Variants in DLG2 observed in about 807,000 individuals in gnomAD.
The protein encoded by DLG2 is discs large MAGUK scaffold protein 2.
In DLG2, 45 loss-of-function variants were observed where a neutral mutation model predicts 132.5. The ratio of observed to expected loss-of-function variants is 0.34; its 90% CI spans 0.27 to 0.44. DLG2 has a LOEUF of 0.44. DLG2 is among the 20% of genes least tolerant of loss of function. DLG2 has a pLI of 1.00. For synonymous variants in DLG2, 424 were observed against 419.6 expected (o/e 1.01, Z -0.13); for missense variants, 1,045 against 1,196.9 (o/e 0.87, Z 1.87).
chr11:84,010,797 C>G (rs1035867920), intron 11 of DLG2, among the ~76,000 whole-genome samples: 2 of 152,106 alleles, frequency 1.3e-5, no homozygotes, highest in Admixed American at 6.6e-5. Context: ...GCATTATTAT[C>G]ATTAATTATG....
intron 2 of DLG2, among the ~76,000 whole-genome samples, chr11:85,623,806 C>A (rs938068281): frequency 3.3e-5 from 5 of 152,250 alleles, no homozygotes; most frequent in African/African-American, 9.6e-5. Context: ...AAATGACGTA[C>A]CTATCATTAA....
intron 6 of DLG2, among the ~76,000 whole-genome samples, chr11:84,944,903 T>C (rs759774653): frequency 6.6e-6 from 1 of 152,188 alleles, no homozygotes; most frequent in Non-Finnish European, 1.5e-5. Flanking sequence ...GTGCCCGATC[T>C]TGTTAAGTTT....
chr11:85,377,803 A>ATATATATATATATATATATATATG (rs35141583), intron 3 of DLG2, among the ~76,000 whole-genome samples: 155 of 131,244 alleles, frequency 1.2e-3, no homozygotes, highest in Non-Finnish European at 1.7e-3. Flanking sequence ...ATATATATAT[A>ATATATATATATATATATATATATG]TGTGTGTGTG....
intron 14 of DLG2, among the ~76,000 whole-genome samples, chr11:83,961,350 T>C (rs2088710525): frequency 1.3e-5 from 2 of 152,090 alleles, no homozygotes; most frequent in South Asian, 4.1e-4. Flanking sequence ...TAGCCACATA[T>C]TTCTATGATG....
At chr11:83,599,138 C>T (rs1466662759) in intron 19 of DLG2, among the ~76,000 whole-genome samples, 2 of 152,238 alleles carry the variant, frequency 1.3e-5, no homozygotes, top group African/African-American at 4.8e-5. Flanking sequence ...CATCTGAGTA[C>T]TTGACATGCT....
At chr11:84,918,631 T>G (rs2092609332) in intron 6 of DLG2, among the ~76,000 whole-genome samples, 1 of 152,154 alleles carries the variant, frequency 6.6e-6, no homozygotes, top group South Asian at 2.1e-4. Flanking sequence ...TAAATTGTTT[T>G]AGTGTGAATT....
intron 10 of DLG2, among the ~76,000 whole-genome samples, chr11:84,080,044 T>C (rs2096881764): frequency 6.6e-6 from 1 of 152,198 alleles, no homozygotes; most frequent in Admixed American, 6.5e-5. Context: ...TTCATAGAAC[T>C]CCTTTTAACT....
chr11:85,304,109 G>A (rs1223727852), intron 3 of DLG2, among the ~76,000 whole-genome samples: 1 of 152,112 alleles, frequency 6.6e-6, no homozygotes, highest in African/African-American at 2.4e-5. Flanking sequence ...GGAAGAGGAA[G>A]CCTTGTTGTT....
intron 6 of DLG2, among the ~76,000 whole-genome samples, chr11:84,950,961 A>C (rs540168844): frequency 6.6e-6 from 1 of 152,312 alleles, no homozygotes; most frequent in South Asian, 2.1e-4. Context: ...ATCTATTTTT[A>C]CTTTGGTTTG....
At chr11:84,064,253 T>G (rs1317028948) in intron 10 of DLG2, among the ~76,000 whole-genome samples, 1 of 152,198 alleles carries the variant, frequency 6.6e-6, no homozygotes, top group Admixed American at 6.5e-5. Context: ...TCCCATGCAT[T>G]ATGCATAAAA....
At chr11:85,233,009 G>C (rs1565192996) in intron 4 of DLG2, among the ~76,000 whole-genome samples, 1 of 151,860 alleles carries the variant, frequency 6.6e-6, no homozygotes, top group Non-Finnish European at 1.5e-5. Context: ...TTCTTTCCAT[G>C]CGTTATGTTT....
At chr11:84,796,580 C>T (rs1404718901) in intron 6 of DLG2, among the ~76,000 whole-genome samples, 1 of 152,130 alleles carries the variant, frequency 6.6e-6, no homozygotes, top group Non-Finnish European at 1.5e-5. Flanking sequence ...TAAGACAGAT[C>T]TGGTGTTAAT....
At chr11:83,643,842 G>T (rs2067309594) in intron 18 of DLG2, 1 of 146,466 alleles carries the variant, frequency 6.8e-6, no homozygotes, top group African/African-American at 2.5e-5. Context: ...GTTTCATTCA[G>T]TTTTTTTTTT....
At chr11:85,546,475 T>G (rs2076330427) in intron 3 of DLG2, among the ~76,000 whole-genome samples, 1 of 152,204 alleles carries the variant, frequency 6.6e-6, no homozygotes, top group Admixed American at 6.5e-5. Flanking sequence ...TCTGTTGATG[T>G]GGGGTGGAGA....
At chr11:84,616,473 T>C (rs1565464093) in intron 6 of DLG2, among the ~76,000 whole-genome samples, 1 of 152,138 alleles carries the variant, frequency 6.6e-6, no homozygotes, top group Non-Finnish European at 1.5e-5. Context: ...AATAGTTGCA[T>C]GACCGTACAG....
chr11:84,116,111 A>C (rs956494370), intron 9 of DLG2, among the ~76,000 whole-genome samples: 1 of 152,190 alleles, frequency 6.6e-6, no homozygotes, highest in African/African-American at 2.4e-5. Flanking sequence ...CCGCAGTGCA[A>C]GAGCACTGGC....
chr11:84,848,585 T>C (rs2081800075), intron 6 of DLG2, among the ~76,000 whole-genome samples: 1 of 152,296 alleles, frequency 6.6e-6, no homozygotes. Flanking sequence ...AGCGTACACC[T>C]ATCCCTGTCT....
chr11:85,241,678 G>C (rs2075886730), intron 4 of DLG2, among the ~76,000 whole-genome samples: 1 of 151,952 alleles, frequency 6.6e-6, no homozygotes, highest in Non-Finnish European at 1.5e-5. Context: ...CCAGTATCAA[G>C]CTTTGCTAAT....
chr11:85,567,867 A>G (rs1468860058), intron 3 of DLG2, among the ~76,000 whole-genome samples: 3 of 152,094 alleles, frequency 2.0e-5, no homozygotes, highest in Admixed American at 2.0e-4. Context: ...CTTTTTCTGT[A>G]TCCATTGAGA....
Sources: allele counts gnomAD v4.1 joint callset (sites outside exome capture counted in the v4.1 genomes callset), GRCh38; gene constraint gnomAD v4.1.1; transcripts MANE v1.5; gene names NCBI Gene and HGNC (gene_info 2026-07-23, HGNC 2026-07-21).